Variants in BMPR2 observed in about 807,000 individuals in gnomAD.
BMPR2 encodes bone morphogenetic protein receptor type 2.
A neutral mutation model predicts 100.8 loss-of-function variants in BMPR2; 29 were observed. The observed-to-expected ratio is 0.29, with a 90% CI of 0.21 to 0.39. The LOEUF (loss-of-function observed/expected upper bound fraction) is 0.39, where lower values mean the gene tolerates loss of function less well. Ranked by LOEUF, BMPR2 falls within the 10% of genes least tolerant of loss-of-function variation. The pLI, the probability that BMPR2 is intolerant of heterozygous loss-of-function variation, is 1.00. For missense variants in BMPR2, 1,011 were observed against 1,274.5 expected, an observed-to-expected ratio of 0.79 and a Z score of 3.15; for synonymous variants, 382 against 442.3, an observed-to-expected ratio of 0.86 and a Z score of 1.71.
rs1688691935 is a variant in BMPR2 at position 202,562,479 on chromosome 2, A to C, written c.*2533A>C. On this transcript the variant is annotated 3_prime_UTR_variant, in exon 13 of 13. Coordinates refer to ENST00000374580, the MANE Select transcript of BMPR2 (RefSeq NM_001204.7). ...TTTTAAATTGTACATCAGACTTTTAAAATCTGTAATATACAAGCAAGCAAA... is the reference window on the plus strand; with the variant it reads ...TTTTAAATTGTACATCAGACTTTTACAATCTGTAATATACAAGCAAGCAAA... 1.3e-5 allele frequency: 2 copies of C among 152,592 alleles called. No homozygotes were observed. The highest frequency in any genetic ancestry group is 2.9e-5 in the Non-Finnish European group (2 of 68,010). The allele number at this position is 152,592 out of a possible 1,614,324, so 9.5% of individuals were successfully genotyped here.
chr2:202,566,666 G>C lies in BMPR2; in HGVS notation c.*6720G>C, dbSNP rs949739735. 1 of 152,120 alleles carries C rather than the reference G, an allele frequency of 6.6e-6. No individual in the cohort carries two copies. The highest frequency in any genetic ancestry group is 6.6e-5 in the Admixed American group (1 of 15,266). The allele number at this position is 152,120 out of a possible 1,614,324, so 9.4% of individuals were successfully genotyped here. A position where few individuals can be genotyped will look rare whatever the true frequency, so the allele number is the denominator to read the frequency against. On this transcript the variant is annotated 3_prime_UTR_variant, in exon 13 of 13. Coordinates refer to ENST00000374580, the MANE Select transcript of BMPR2 (RefSeq NM_001204.7). ...CCTGTCAGATAGGATTTTCTCAAGA[G>C]ACAATTTAACGTTATAAAGCCTTCT... is the stretch of plus-strand genomic sequence containing the variant.
intron 3 of BMPR2, among the ~76,000 whole-genome samples, chr2:202,477,318 A>G (rs1388917906): frequency 6.6e-6 from 1 of 152,150 alleles, no homozygotes; most frequent in Non-Finnish European, 1.5e-5. Context: ...TCCTTTTACC[A>G]TAAAGGATAC....
rs3736578 is a variant in BMPR2 at position 202,519,989 on chromosome 2, C to G, written c.853-98C>G. 89,617 of 746,180 alleles carry G rather than the reference C, an allele frequency of 0.12. 6,352 individuals carry two copies. The highest frequency in any genetic ancestry group is 0.23 in the South Asian group (15,082 of 64,910). 46.2% of individuals were successfully genotyped at this position (746,180 alleles called of 1,614,324 possible). ...TCATTAGATCTTCATGGAATCCTAGCCTATTTGCAAATTCTTTATAAGGAT... is the reference window on the plus strand; with the variant it reads ...TCATTAGATCTTCATGGAATCCTAGGCTATTTGCAAATTCTTTATAAGGAT... On this transcript the variant is annotated intron_variant, in intron 6 of 12. Transcript: ENST00000374580.
At chr2:202,449,977 G>A (rs1266464433) in intron 1 of BMPR2, among the ~76,000 whole-genome samples, 1 of 152,116 alleles carries the variant, frequency 6.6e-6, no homozygotes, top group Non-Finnish European at 1.5e-5. Context: ...AGGCTTGATG[G>A]CATGCACGTG....
chr2:202,421,435 T>C (rs1357301092), intron 1 of BMPR2, among the ~76,000 whole-genome samples: 4 of 150,858 alleles, frequency 2.7e-5, no homozygotes, highest in Non-Finnish European at 5.9e-5. Flanking sequence ...CACTATAGTA[T>C]TTGATAGCAA....
intron 1 of BMPR2, among the ~76,000 whole-genome samples, chr2:202,386,019 C>T (rs1454811931): frequency 6.6e-6 from 1 of 152,022 alleles, no homozygotes; most frequent in Non-Finnish European, 1.5e-5. Flanking sequence ...CTTCATTTGG[C>T]TTTTAAGATA....
At chr2:202,507,556 A>G (rs1292019003) in intron 3 of BMPR2, among the ~76,000 whole-genome samples, 1 of 151,474 alleles carries the variant, frequency 6.6e-6, no homozygotes, top group African/African-American at 2.4e-5. Flanking sequence ...CACCCAGCTA[A>G]TTTTTTATTT....
In BMPR2 at chr2:202,560,041, G is replaced by A. The variant is rs2105716416; in HGVS notation, c.*95G>A. On this transcript the variant is annotated 3_prime_UTR_variant, in exon 13 of 13. Transcript: ENST00000374580. Reference sequence around the variant, plus strand: ...AAAAAAAAAACTGCTTTATCCTCCTGTCAGCACCCCCTCCCACCCCTGCAA... The same window carrying A: ...AAAAAAAAAACTGCTTTATCCTCCTATCAGCACCCCCTCCCACCCCTGCAA... The A allele has an allele frequency of 1.3e-6, 2 of 1,497,028 alleles. No homozygotes were observed. Among genetic ancestry groups the A allele is most frequent in the East Asian group, 2.3e-5 (1 of 43,084 alleles). 92.7% of individuals were successfully genotyped at this position (1,497,028 alleles called of 1,614,324 possible).
chr2:202,430,146 G>A (rs1458617795), intron 1 of BMPR2, among the ~76,000 whole-genome samples: 1 of 152,088 alleles, frequency 6.6e-6, no homozygotes, highest in Non-Finnish European at 1.5e-5. Context: ...TCTCTTATAA[G>A]GCCATCAATG....
chr2:202,488,204 G>A (rs1193610843), intron 3 of BMPR2, among the ~76,000 whole-genome samples: 1 of 152,128 alleles, frequency 6.6e-6, no homozygotes, highest in Admixed American at 6.5e-5. Context: ...AACTCCTGTT[G>A]AGGGTATAAA....
Position 202,562,630 on chromosome 2 carries a change from C to A in BMPR2, c.*2684C>A, listed in dbSNP as rs1248235189. 3 of 152,094 alleles carry A rather than the reference C, an allele frequency of 2.0e-5. No homozygotes were observed. Among genetic ancestry groups the A allele is most frequent in the Non-Finnish European group, 4.4e-5 (3 of 68,000 alleles). The allele number at this position is 152,094 out of a possible 1,614,324, so 9.4% of individuals were successfully genotyped here. On this transcript the variant is annotated 3_prime_UTR_variant, in exon 13 of 13. Coordinates refer to ENST00000374580, the MANE Select transcript of BMPR2 (RefSeq NM_001204.7). ...AGTGGGGTCCTTTTGAATAAAAGATCATTCAACTAAAAATATTAAAATTTA... is the reference window on the plus strand; with the variant it reads ...AGTGGGGTCCTTTTGAATAAAAGATAATTCAACTAAAAATATTAAAATTTA...
At chr2:202,447,419 A>G (rs1363794517) in intron 1 of BMPR2, among the ~76,000 whole-genome samples, 1 of 150,746 alleles carries the variant, frequency 6.6e-6, no homozygotes, top group Non-Finnish European at 1.5e-5. Flanking sequence ...GGCCGGGTGC[A>G]GTGGCTCACG....
At position 202,449,655 on chromosome 2, in the gene BMPR2, C is replaced by T. The variant is rs183164692; in HGVS notation, c.77-15154C>T. 3.6e-4 allele frequency among the ~76,000 whole-genome samples: 55 copies of T among 152,286 alleles called. 2 individuals are homozygous for T. Among genetic ancestry groups the T allele is most frequent in the Admixed American group, 3.3e-3 (51 of 15,292 alleles). ...TTCCTTGGTTAAACAACATTTCACA[C>T]GTTTTGTCACAATTCACTGCTAGAG... On this transcript the variant is annotated intron_variant, in intron 1 of 12. Transcript: ENST00000374580.
chr2:202,512,927 C>T (rs1378108948), intron 3 of BMPR2, among the ~76,000 whole-genome samples: 3 of 150,852 alleles, frequency 2.0e-5, no homozygotes, highest in South Asian at 2.1e-4. Context: ...CCATTTATTG[C>T]GTAGATAATA....
rs1468675897 is a variant in BMPR2, at chr2:202,395,040, C to T, written c.76+17490C>T. On this transcript the variant is annotated intron_variant, in intron 1 of 12. Transcript: ENST00000374580. The stretch of plus-strand genomic sequence containing the variant: ...CTGGGACTACAGGTGCCCGCCACCA[C>T]GCCTGGCTAATTTTTGTATTTTTAG... Among the ~76,000 whole-genome samples, 5 of 151,810 alleles carry T rather than the reference C, an allele frequency of 3.3e-5. No individual in the cohort carries two copies. The East Asian group carries it at 7.7e-4, about 23-fold the overall frequency.
At chr2:202,451,757 T>C (rs1691990759) in intron 1 of BMPR2, among the ~76,000 whole-genome samples, 1 of 152,108 alleles carries the variant, frequency 6.6e-6, no homozygotes, top group South Asian at 2.1e-4. Flanking sequence ...TTGTTGTTGT[T>C]GTTGTTTTTG....
At chr2:202,526,413 T>A (rs1013973251) in intron 7 of BMPR2, among the ~76,000 whole-genome samples, 3 of 152,226 alleles carry the variant, frequency 2.0e-5, no homozygotes, top group Admixed American at 2.0e-4. Context: ...TTAGCATGGA[T>A]CATCTTTTCT....
intron 1 of BMPR2, among the ~76,000 whole-genome samples, chr2:202,420,772 C>T (rs1173734157): frequency 6.6e-6 from 1 of 151,142 alleles, no homozygotes; most frequent in Non-Finnish European, 1.5e-5. Flanking sequence ...GTCATGAACT[C>T]CTGACCTCAG....
chr2:202,536,054 G>C (rs1044956332), intron 9 of BMPR2, among the ~76,000 whole-genome samples: 1 of 152,082 alleles, frequency 6.6e-6, no homozygotes, highest in Non-Finnish European at 1.5e-5. Context: ...GGCATGAGAG[G>C]GAGACCGTGG....
Sources: gnomAD v4.1 joint callset for allele counts (sites outside exome capture counted in the v4.1 genomes callset) on GRCh38, gnomAD v4.1.1 for gene constraint, MANE v1.5 for transcripts, NCBI Gene and HGNC (gene_info 2026-07-23, HGNC 2026-07-21) for gene names.